Variants in ABCA13 observed in about 807,000 individuals in gnomAD.
ABCA13 encodes ATP binding cassette subfamily A member 13, also known as ATP-binding cassette sub-family A member 13.
ABCA13 carries 476 observed loss-of-function variants against 478.7 expected under a neutral mutation model. The ratio of observed to expected loss-of-function variants is 0.99; its 90% CI spans 0.92 to 1.07. ABCA13 has a LOEUF of 1.07. Among genes scored for constraint, ABCA13 ranks in the 50% least tolerant of loss-of-function variants. The pLI, the probability that ABCA13 is intolerant of heterozygous loss-of-function variation, is 0.00. For synonymous variants in ABCA13, 2,252 were observed against 2,158.9 expected, an observed-to-expected ratio of 1.04 and a Z score of -1.20; for missense variants, 6,060 against 5,910.6, an observed-to-expected ratio of 1.03 and a Z score of -0.83.
chr7:48,406,302 A>G (rs1818250310), intron 39 of ABCA13, among the ~76,000 whole-genome samples: 1 of 152,186 alleles, frequency 6.6e-6, no homozygotes, highest in South Asian at 2.1e-4. Flanking sequence ...TACAAATCCC[A>G]TGTGACCCTG....
At position 48,352,328 on chromosome 7, in the gene ABCA13, C is replaced by T. The variant is rs1459088102; in HGVS notation, c.10529C>T (p.Pro3510Leu). 6.2e-7 allele frequency: 1 copy of T among 1,613,782 alleles called. No homozygotes were observed. The highest frequency in any genetic ancestry group is 8.5e-7 in the Non-Finnish European group (1 of 1,179,876). Reference protein sequence around the residue: ...VVKNPSWKFHPQNLPADGFKY... With the variant: ...VVKNPSWKFHLQNLPADGFKY... Reference sequence around the variant, plus strand: ...AAAAACCCTTCTTGGAAGTTCCACCCTCAGAATCTACCAGCTGATGGGTTC... The same window carrying T: ...AAAAACCCTTCTTGGAAGTTCCACCTTCAGAATCTACCAGCTGATGGGTTC... Residue 3510 changes from proline to leucine, a missense_variant, in exon 31 of 62, where the codon CCT becomes CTT. Pro to Leu is a moderately conservative substitution (Grantham distance 98). Around this residue, in one of 3 missense-constraint regions of ABCA13, gnomAD observed 4,423 missense variants for 4,309.1 expected, o/e 1.03. Transcript: ENST00000435803.
intron 55 of ABCA13, among the ~76,000 whole-genome samples, chr7:48,554,933 G>A (rs1188372464): frequency 2.0e-5 from 3 of 151,484 alleles, no homozygotes; most frequent in African/African-American, 7.3e-5. Context: ...TTAGAGGAAA[G>A]GCTTTCAGGT....
intron 16 of ABCA13, among the ~76,000 whole-genome samples, chr7:48,270,380 C>T (rs767089898): frequency 6.8e-5 from 10 of 147,910 alleles, no homozygotes; most frequent in African/African-American, 9.8e-5. Flanking sequence ...AATATAAAAA[C>T]GTGGCAATAA....
chr7:48,173,300 T>C (rs1479094314), intron 1 of ABCA13, among the ~76,000 whole-genome samples: 1 of 152,218 alleles, frequency 6.6e-6, no homozygotes, highest in East Asian at 1.9e-4. Flanking sequence ...GATCCTACAT[T>C]AGTATGTTAC....
chr7:48,198,463 A>T (rs1798237056), intron 3 of ABCA13, 103 bp downstream of exon 3: 1 of 1,322,498 alleles, frequency 7.6e-7, no homozygotes, highest in Admixed American at 2.5e-5. Context: ...TAGGTCAGAG[A>T]TCATGAGAAG....
intron 23 of ABCA13, among the ~76,000 whole-genome samples, chr7:48,301,410 A>G (rs1800139587): frequency 6.6e-6 from 1 of 152,094 alleles, no homozygotes; most frequent in Admixed American, 6.6e-5. Context: ...GTTTGGAAAC[A>G]TTACACATTC....
At chr7:48,222,975 C>T (rs180779221) in intron 5 of ABCA13, among the ~76,000 whole-genome samples, 407 of 152,192 alleles carry the variant, frequency 2.7e-3, no homozygotes, top group African/African-American at 8.1e-3. Flanking sequence ...TTAGAACAGA[C>T]GCACAGTTAG....
intron 25 of ABCA13, 116 bp from the exon 26 acceptor site, chr7:48,314,116 T>A: frequency 1.7e-6 from 2 of 1,183,282 alleles, no homozygotes; most frequent in Non-Finnish European, 2.4e-6. Context: ...TCCATTCTTT[T>A]GACTTGTTGA....
At chr7:48,284,719 ATTT>A (rs925071670) in intron 19 of ABCA13, among the ~76,000 whole-genome samples, 8 of 152,194 alleles carry the variant, frequency 5.3e-5, no homozygotes, top group African/African-American at 1.9e-4. Context: ...CAGATAATTA[ATTT>A]TTAATTTTTA....
At chr7:48,551,964 T>C (rs1328376999) in intron 55 of ABCA13, among the ~76,000 whole-genome samples, 2 of 151,880 alleles carry the variant, frequency 1.3e-5, no homozygotes, top group African/African-American at 4.8e-5. Flanking sequence ...GATATTTACA[T>C]GTTTTATGTT....
chr7:48,229,459 A>T (rs953429852), intron 6 of ABCA13, among the ~76,000 whole-genome samples: 4 of 152,204 alleles, frequency 2.6e-5, no homozygotes, highest in Non-Finnish European at 4.4e-5. Context: ...CTTTTCTAAC[A>T]TAGCAGCCCT....
rs759109311 is a variant in ABCA13 at position 48,273,009 on chromosome 7, AG to A, written c.3344del (p.Ser1115MetfsTer55). ...KHISSVNYSTSEESSFVFPLA... is the reference protein window; with the variant it reads ...KHISSVNYSTXEESSFVFPLA... The stretch of plus-strand genomic sequence containing the variant: ...CATTTCTTCCGTAAATTATTCAACA[AG>A]TGAGGAGTCTTCATTTGTTTTTCCA... On this transcript the variant is annotated frameshift_variant, in exon 17 of 62. Transcript: ENST00000435803. LOFTEE classifies it high-confidence loss of function. 3.1e-6 allele frequency: 5 copies of A among 1,613,660 alleles called. No individual in the cohort carries two copies. In the East Asian group the frequency reaches 1.1e-4, roughly 36 times the overall value.
chr7:48,643,366 G>A lies in ABCA13; in HGVS notation c.14916G>A (p.Lys4972=), dbSNP rs765807456. 8 of 1,613,406 alleles carry A rather than the reference G, an allele frequency of 5.0e-6. No homozygotes were observed. The highest frequency in any genetic ancestry group is 1.3e-5 in the African/African-American group (1 of 74,890). The change falls in exon 60 of 62, where the codon AAG becomes AAA. Residue 4972 remains lysine, a synonymous_variant. Transcript: ENST00000435803. Reference sequence around the variant, plus strand: ...ATTGCACTGTTTCTGACCACTTGAAGCTTTATTTTCCAGGAATTCAGTTCA... The same window carrying A: ...ATTGCACTGTTTCTGACCACTTGAAACTTTATTTTCCAGGAATTCAGTTCA... ...NQHCTVSDHL[K]LYFPGIQFKG...
At chr7:48,408,730 AG>A (rs1280952247) in intron 39 of ABCA13, among the ~76,000 whole-genome samples, 1 of 152,100 alleles carries the variant, frequency 6.6e-6, no homozygotes. Context: ...GTACATGTGC[AG>A]GTTTGTTATG....
intron 58 of ABCA13, among the ~76,000 whole-genome samples, chr7:48,609,377 CGATG>C (rs1183120037): frequency 2.0e-5 from 3 of 152,016 alleles, no homozygotes; most frequent in Admixed American, 6.6e-5. Context: ...TACTCACTGT[CGATG>C]AAGAGTGGGG....
intron 55 of ABCA13, among the ~76,000 whole-genome samples, chr7:48,572,361 C>G (rs1396167743): frequency 2.0e-5 from 3 of 151,892 alleles, no homozygotes; most frequent in Non-Finnish European, 2.9e-5. Flanking sequence ...CTCTGTCACC[C>G]AGGCTGGAGT....
intron 59 of ABCA13, among the ~76,000 whole-genome samples, chr7:48,632,231 T>C (rs1040289396): frequency 1.3e-5 from 2 of 152,168 alleles, no homozygotes; most frequent in Non-Finnish European, 2.9e-5. Flanking sequence ...AAGTACTTGT[T>C]TTATGAGTCT....
Position 48,240,876 on chromosome 7 carries a change from C to G in ABCA13, c.1072C>G (p.Gln358Glu). ...WLRVYQQVFV[Q>E]WQQGSLLQKT... The stretch of plus-strand genomic sequence containing the variant: ...GTTTCCGAATTTGTAGGTGTTTGTT[C>G]AGTGGCAACAGGGTAGCCTGCTTCA... The change falls in exon 10 of 62, where the codon CAG becomes GAG. Residue 358 changes from glutamine to glutamate, a missense_variant. This residue lies in a region of ABCA13 where 4,423 missense variants were observed against 4,309.1 expected (regional missense o/e 1.03). Coordinates refer to ENST00000435803, the MANE Select transcript of ABCA13 (RefSeq NM_152701.5). 6.5e-7 allele frequency: 1 copy of G among 1,532,072 alleles called. No homozygotes were observed. The highest frequency in any genetic ancestry group is 2.3e-5 in the East Asian group (1 of 43,212). The allele number at this position is 1,532,072 out of a possible 1,614,324, so 94.9% of individuals were successfully genotyped here. A position where few individuals can be genotyped will look rare whatever the true frequency, so the allele number is the denominator to read the frequency against.
intron 59 of ABCA13, among the ~76,000 whole-genome samples, chr7:48,633,467 G>A (rs1176178202): frequency 2.0e-5 from 3 of 152,010 alleles, no homozygotes; most frequent in Admixed American, 1.3e-4. Context: ...ACCACAGAAT[G>A]TACATTATTC....
Sources: allele counts gnomAD v4.1 joint callset (sites outside exome capture counted in the v4.1 genomes callset), GRCh38; gene constraint gnomAD v4.1.1; regional missense constraint gnomAD v4.1.1; transcripts MANE v1.5; gene names NCBI Gene and HGNC (gene_info 2026-07-23, HGNC 2026-07-21).